Variants in HIBCH observed in about 807,000 individuals in gnomAD.
The protein encoded by HIBCH is 3-hydroxyisobutyryl-CoA hydrolase, mitochondrial.
HIBCH carries 50 observed loss-of-function variants against 58.2 expected under a neutral mutation model. The ratio of observed to expected loss-of-function variants is 0.86; its 90% CI spans 0.68 to 1.09. The LOEUF is 1.09. HIBCH is among the 50% of genes least tolerant of loss of function. HIBCH has a pLI of 0.00. For missense variants in HIBCH, 450 were observed against 449.7 expected, an observed-to-expected ratio of 1.00 and a Z score of -0.01; for synonymous variants, 151 against 146.9, an observed-to-expected ratio of 1.03 and a Z score of -0.20.
chr2:190,252,352 A>C, intron 7 of HIBCH, 45 bp from the exon 8 acceptor site: 1 of 1,539,570 alleles, frequency 6.5e-7, no homozygotes, highest in African/African-American at 1.4e-5. Context: ...ATTCAAATGA[A>C]AAAGATAAAT....
chr2:190,221,498 C>G (rs1575701763), intron 11 of HIBCH, among the ~76,000 whole-genome samples: 1 of 152,286 alleles, frequency 6.6e-6, no homozygotes, highest in East Asian at 1.9e-4. Context: ...TGGCAGCATA[C>G]AAATTTTACA....
At chr2:190,192,965 T>C (rs1027948554) in intron 1 of HIBCH, among the ~76,000 whole-genome samples, 2 of 152,044 alleles carry the variant, frequency 1.3e-5, no homozygotes, top group Admixed American at 6.6e-5. Flanking sequence ...ATAATGGCAG[T>C]TTTCTCCTTC....
intron 2 of HIBCH, among the ~76,000 whole-genome samples, chr2:190,299,214 T>C (rs540852390): frequency 2.6e-4 from 39 of 152,336 alleles, no homozygotes; most frequent in African/African-American, 8.7e-4. Context: ...AACCTAGAAG[T>C]ACATATTTTG....
At position 190,287,591 on chromosome 2, in the gene HIBCH, C is replaced by T. The variant is rs766540415; in HGVS notation, c.433G>A (p.Gly145Ser). The T allele has an allele frequency of 6.2e-7, 1 of 1,604,732 alleles. No homozygotes were observed. The highest frequency in any genetic ancestry group is 8.5e-7 in the Non-Finnish European group (1 of 1,171,770). ...AGAGTAAAAAGTCTACTTACCCCAC[C>T]CATTGTAATTCCATGAATAAGTGCA... The part of the protein sequence containing the change: ...YVALIHGITM[G>S]GGVGLSVHGQ... The change falls in exon 6 of 14, where the codon GGT (glycine) becomes AGT (serine). Residue 145 changes from glycine to serine, a missense_variant. By Grantham distance (56) the Gly-to-Ser change is moderately conservative (BLOSUM62 0). Coordinates refer to ENST00000359678, the MANE Select transcript of HIBCH (RefSeq NM_014362.4).
intron 7 of HIBCH, among the ~76,000 whole-genome samples, chr2:190,257,143 T>C (rs1169853425): frequency 6.6e-6 from 1 of 152,038 alleles, no homozygotes; most frequent in East Asian, 1.9e-4. Flanking sequence ...CATAATCAAA[T>C]AGCTTGAAAC....
intron 2 of HIBCH, among the ~76,000 whole-genome samples, chr2:190,300,638 C>T (rs1228967244): frequency 6.6e-6 from 1 of 152,022 alleles, no homozygotes. Context: ...TTTTGCTGTC[C>T]AGAAGCTCTT....
At position 190,254,860 on chromosome 2, in the gene HIBCH, G is replaced by C. The variant is rs528963435; in HGVS notation, c.518-2553C>G. Among the ~76,000 whole-genome samples, 1 of 152,268 alleles carries C rather than the reference G, an allele frequency of 6.6e-6. No homozygotes were observed. The highest frequency in any genetic ancestry group is 1.9e-4 in the East Asian group (1 of 5,184). On this transcript the variant is annotated intron_variant, in intron 7 of 13. Transcript: ENST00000359678. The surrounding 1 kb of genome is among the most constrained non-coding windows in gnomAD (Gnocchi z 5.0). Reference sequence around the variant, plus strand: ...TACAATGATGAAATCTATAATTTCTGCTGTCCAATAAGACAGCCACTAGCC... The same window carrying C: ...TACAATGATGAAATCTATAATTTCTCCTGTCCAATAAGACAGCCACTAGCC...
At chr2:190,220,959 T>C (rs1262402184) in intron 11 of HIBCH, among the ~76,000 whole-genome samples, 1 of 152,168 alleles carries the variant, frequency 6.6e-6, no homozygotes, top group African/African-American at 2.4e-5. Context: ...TTCCATTTCT[T>C]GGTTTGGCAC....
chr2:190,311,191 A>G (rs919019219), intron 1 of HIBCH, among the ~76,000 whole-genome samples: 4 of 152,236 alleles, frequency 2.6e-5, no homozygotes, highest in Non-Finnish European at 4.4e-5. Flanking sequence ...TGAAAAGGCT[A>G]CATACTCTCA....
chr2:190,286,969 A>T (rs576694733), intron 6 of HIBCH, among the ~76,000 whole-genome samples: 4 of 151,180 alleles, frequency 2.6e-5, no homozygotes, highest in African/African-American at 9.8e-5. Context: ...ATAAAAACAC[A>T]ATCAGTTTCC....
At chr2:190,270,268 C>CTTT (rs33918420) in intron 6 of HIBCH, among the ~76,000 whole-genome samples, 73,646 of 143,110 alleles carry the variant, frequency 0.51, 19,222 homozygotes, top group Non-Finnish European at 0.57. Context: ...GTTATTACAC[C>CTTT]TTTTTTTTTT....
intron 1 of HIBCH, among the ~76,000 whole-genome samples, chr2:190,191,216 CA>C (rs1355099531): frequency 1.3e-5 from 2 of 152,156 alleles, no homozygotes; most frequent in African/African-American, 4.8e-5. Flanking sequence ...CAGCTCACTG[CA>C]ACCTCTGTTC....
chr2:190,275,956 A>G (rs537505896), intron 6 of HIBCH, among the ~76,000 whole-genome samples: 8 of 152,374 alleles, frequency 5.3e-5, no homozygotes, highest in Admixed American at 2.6e-4. Context: ...AGACAAGAAC[A>G]GAGCTTTCAA....
chr2:190,293,003 T>G (rs1687995725), intron 4 of HIBCH, among the ~76,000 whole-genome samples: 1 of 152,254 alleles, frequency 6.6e-6, no homozygotes, highest in Non-Finnish European at 1.5e-5. Flanking sequence ...CTGCTTTATA[T>G]GTGTAAACTA....
chr2:190,282,896 T>A (rs1687741645), intron 6 of HIBCH, among the ~76,000 whole-genome samples: 1 of 146,698 alleles, frequency 6.8e-6, no homozygotes, highest in African/African-American at 2.5e-5. Flanking sequence ...GACCATCTAA[T>A]ACAGTTGGAA....
chr2:190,274,365 C>T (rs1687490716), intron 6 of HIBCH, among the ~76,000 whole-genome samples: 1 of 152,172 alleles, frequency 6.6e-6, no homozygotes, highest in Non-Finnish European at 1.5e-5. Flanking sequence ...AGTGGATAAA[C>T]ATAATCTGAT....
In HIBCH at chr2:190,315,017, G is replaced by A. The variant is rs909490818; in HGVS notation, c.36-4221C>T. ...GGCTGGAGTGCAGTGGTGCAATCTC[G>A]GCTCACTGCAGGCTCTGCCTTCCGG... On this transcript the variant is annotated intron_variant, in intron 1 of 13. Coordinates refer to ENST00000359678, the MANE Select transcript of HIBCH (RefSeq NM_014362.4). This position sits in a 1 kb window ranked among gnomAD's most constrained non-coding sequence, Gnocchi z 5.4. 2.0e-5 allele frequency among the ~76,000 whole-genome samples: 3 copies of A among 150,900 alleles called. No homozygotes were observed. Among genetic ancestry groups the A allele is most frequent in the Non-Finnish European group, 4.4e-5 (3 of 67,672 alleles).
chr2:190,219,612 T>C (rs1238396908), intron 11 of HIBCH, among the ~76,000 whole-genome samples: 1 of 152,224 alleles, frequency 6.6e-6, no homozygotes, highest in Non-Finnish European at 1.5e-5. Flanking sequence ...TTGCAGTGCA[T>C]TGTGGGCTGC....
intron 6 of HIBCH, among the ~76,000 whole-genome samples, chr2:190,270,076 G>A (rs1375950181): frequency 6.6e-6 from 1 of 152,124 alleles, no homozygotes; most frequent in African/African-American, 2.4e-5. Flanking sequence ...GGGAGGTGAG[G>A]AGCAAGGGGA....
Sources: gnomAD v4.1 joint callset for allele counts (sites outside exome capture counted in the v4.1 genomes callset) on GRCh38, gnomAD v4.1.1 for gene constraint, Gnocchi (gnomAD v3.1) non-coding constraint, MANE v1.5 for transcripts, NCBI Gene and HGNC (gene_info 2026-07-23, HGNC 2026-07-21) for gene names.